Variants in IWS1 observed in about 807,000 individuals in gnomAD.
IWS1 encodes the protein protein IWS1 homolog.
In IWS1, 27 loss-of-function variants were observed where a neutral mutation model predicts 86.7. The ratio of observed to expected loss-of-function variants is 0.31; its 90% CI spans 0.23 to 0.43. The LOEUF (loss-of-function observed/expected upper bound fraction) is 0.43, where lower values mean the gene tolerates loss of function less well. Among genes scored for constraint, IWS1 ranks in the 20% least tolerant of loss-of-function variants. The pLI is 1.00. For synonymous variants in IWS1, 313 were observed against 335.1 expected (o/e 0.93, Z 0.72); for missense variants, 827 against 1,000.8 (o/e 0.83, Z 2.34).
chr2:127,524,271 A>G (rs748090858), intron 1 of IWS1, among the ~76,000 whole-genome samples: 8 of 152,226 alleles, frequency 5.3e-5, no homozygotes, highest in Non-Finnish European at 7.3e-5. Flanking sequence ...ACAAATGAAG[A>G]ACACAAGGAA....
At chr2:127,495,817 T>C (rs551334854) in intron 7 of IWS1, among the ~76,000 whole-genome samples, 181 bp downstream of exon 7, 1 of 152,334 alleles carries the variant, frequency 6.6e-6, no homozygotes, top group South Asian at 2.1e-4. Flanking sequence ...TATTTTCACT[T>C]TTTCTAAACG....
chr2:127,524,350 C>A (rs1692268237), intron 1 of IWS1, among the ~76,000 whole-genome samples: 1 of 152,056 alleles, frequency 6.6e-6, no homozygotes, highest in Non-Finnish European at 1.5e-5. Flanking sequence ...CAAACTGTTA[C>A]CTAACTTTCT....
At chr2:127,497,232 G>A (rs1057287171) in intron 6 of IWS1, among the ~76,000 whole-genome samples, 13 of 152,082 alleles carry the variant, frequency 8.5e-5, no homozygotes, top group Non-Finnish European at 1.2e-4. Flanking sequence ...CTAATAGCCC[G>A]GAACTTTTCA....
In IWS1 at chr2:127,504,688, T is replaced by C. The variant is rs760822614; in HGVS notation, c.1215A>G (p.Lys405=). The C allele has an allele frequency of 1.9e-6, 3 of 1,595,276 alleles. No individual in the cohort carries two copies. The South Asian group carries it at 3.4e-5, about 18-fold the overall frequency. ...CAGCCCAAGGTAACTCCTTACATGC[T>C]TTCTCTTCATCTTCACTATCAGAAA... ...AVLSDSEDEE[K]ASAKKSRVVS... is the part of the protein sequence containing the mutation. Residue 405 remains lysine (K), a synonymous_variant, in exon 3 of 14, where the codon AAA becomes AAG. Transcript: ENST00000295321.
intron 2 of IWS1, among the ~76,000 whole-genome samples, chr2:127,507,595 T>C (rs1325762516): frequency 1.3e-5 from 2 of 152,222 alleles, no homozygotes; most frequent in African/African-American, 2.4e-5. Context: ...TACAATAGTC[T>C]GTATGTTGCC....
chr2:127,502,244 T>TTGTAG, intron 5 of IWS1, among the ~76,000 whole-genome samples: 1 of 152,246 alleles, frequency 6.6e-6, no homozygotes. Flanking sequence ...GGGTATGGGG[T>TTGTAG]TTACAAAGCC....
Position 127,526,215 on chromosome 2 carries a change from C to T in IWS1, c.-7G>A, listed in dbSNP as rs773579149. On this transcript the variant is annotated 5_prime_UTR_variant, in exon 1 of 14. Coordinates refer to ENST00000295321, the MANE Select transcript of IWS1 (RefSeq NM_017969.3). ...TGTAATATTCCGAGTCCATGGCAGG[C>T]GGACTCTCAGCGGGGAGTGTCCGCG... 7 of 1,554,940 alleles carry T rather than the reference C, an allele frequency of 4.5e-6. No homozygotes were observed. The highest frequency in any genetic ancestry group is 1.4e-5 in the African/African-American group (1 of 73,598).
rs1690253894 is a variant in IWS1, at chr2:127,492,024, T to C, written c.1994A>G (p.Tyr665Cys). The C allele has an allele frequency of 6.2e-7, 1 of 1,613,960 alleles. No homozygotes were observed. The highest frequency in any genetic ancestry group is 8.5e-7 in the Non-Finnish European group (1 of 1,179,948). ...AGACCTTGACTCCTTGGGGTGTTTA[T>C]AGAGATACATCACTGCTCGTCCAAT... The part of the protein sequence containing the change: ...SGIGRAVMYL[Y>C]KHPKESRSNK... Residue 665 changes from tyrosine (Y) to cysteine (C), a missense_variant, in exon 10 of 14, where the codon TAT (tyrosine) becomes TGT (cysteine). Transcript: ENST00000295321.
chr2:127,525,109 CG>C (rs1692325473), intron 1 of IWS1, among the ~76,000 whole-genome samples: 1 of 14,086 alleles, frequency 7.1e-5, no homozygotes, highest in Non-Finnish European at 1.4e-4. Context: ...GGGGTAGGGG[CG>C]TAGGGGGGTG....
rs1284454511 is a variant in IWS1, at chr2:127,505,696, A to G, written c.207T>C (p.Ser69=). The change falls in exon 3 of 14, where the codon TCT becomes TCC. Residue 69 remains serine, a synonymous_variant. Transcript: ENST00000295321. This position sits in a 1 kb window ranked among gnomAD's most constrained non-coding sequence, Gnocchi z 5.0. ...TAAGATTTAAGGGCTCATCGTTCTC[A>G]GAGTCTGTCACATGATGTCCTTTGG... The part of the protein sequence containing the change: ...GLPKGHHVTD[S]ENDEPLNLNA... The G allele has an allele frequency of 6.2e-7, 1 of 1,612,878 alleles. No homozygotes were observed. Among genetic ancestry groups the G allele is most frequent in the Non-Finnish European group, 8.5e-7 (1 of 1,179,734 alleles).
chr2:127,503,926 T>C (rs1224908287), intron 3 of IWS1, among the ~76,000 whole-genome samples: 1 of 152,198 alleles, frequency 6.6e-6, no homozygotes, highest in Admixed American at 6.5e-5. Flanking sequence ...CCTTTCTATG[T>C]TGCCTAGTAG....
intron 1 of IWS1, among the ~76,000 whole-genome samples, chr2:127,524,334 T>C (rs965516266): frequency 3.9e-5 from 6 of 152,170 alleles, no homozygotes; most frequent in African/African-American, 1.4e-4. Context: ...TATAAAATGG[T>C]AAATACAAAC....
intron 2 of IWS1, among the ~76,000 whole-genome samples, chr2:127,521,452 A>G (rs1692091068): frequency 6.6e-6 from 1 of 152,202 alleles, no homozygotes; most frequent in Admixed American, 6.5e-5. Context: ...TCAACTTATT[A>G]TGGGGTTACA....
rs185384748 is a variant in IWS1, at chr2:127,484,362, T to G, written c.2328+2191A>C. Reference sequence around the variant, plus strand: ...AAAAAACCCTATTTATTTTTTATATTTATTTACATAACTTTGAAAACAAAA... The same window carrying G: ...AAAAAACCCTATTTATTTTTTATATGTATTTACATAACTTTGAAAACAAAA... On this transcript the variant is annotated intron_variant, in intron 13 of 13. Transcript: ENST00000295321. The G allele has an allele frequency of 3.3e-5, 5 of 152,314 alleles. No individual in the cohort carries two copies. The East Asian group carries it at 9.6e-4, about 29-fold the overall frequency. 9.4% of individuals were successfully genotyped at this position (152,314 alleles called of 1,614,324 possible).
At chr2:127,502,577 A>G (rs1690877215) in intron 5 of IWS1, 2 of 324,596 alleles carry the variant, frequency 6.2e-6, no homozygotes, top group East Asian at 9.4e-5. Context: ...TTATAAAGTG[A>G]CTTTCTTTGT....
intron 6 of IWS1, among the ~76,000 whole-genome samples, chr2:127,497,381 T>C (rs569821158): frequency 3.3e-4 from 51 of 152,364 alleles, no homozygotes; most frequent in Admixed American, 2.0e-4. Context: ...TGTGGTCTTA[T>C]ATAGCATGAG....
At position 127,505,075 on chromosome 2, in the gene IWS1, C is replaced by T. The variant is rs751250712; in HGVS notation, c.828G>A (p.Ser276=). 195 of 1,609,482 alleles carry T rather than the reference C, an allele frequency of 1.2e-4. No individual in the cohort carries two copies. The highest frequency in any genetic ancestry group is 1.7e-4 in the Middle Eastern group (1 of 6,052). The change falls in exon 3 of 14, where the codon TCG becomes TCA. Residue 276 remains serine, a synonymous_variant. Coordinates refer to ENST00000295321, the MANE Select transcript of IWS1 (RefSeq NM_017969.3). The surrounding 1 kb of genome is among the most constrained non-coding windows in gnomAD (Gnocchi z 5.0). The part of the protein sequence containing the change: ...EELPKPRISD[S]ESEDPPRNQA... ...GGTTCCTTGGGGGATCCTCACTTTC[C>T]GAATCACTGATTCGGGGTTTGGGAA...
At chr2:127,521,395 T>C (rs1161264114) in intron 2 of IWS1, among the ~76,000 whole-genome samples, 1 of 148,216 alleles carries the variant, frequency 6.7e-6, no homozygotes, top group Non-Finnish European at 1.5e-5. Context: ...AGTTGGACTA[T>C]GCTGGTTTTA....
Position 127,492,033 on chromosome 2 carries a change from A to C in IWS1, c.1985T>G (p.Met662Arg). The C allele has an allele frequency of 6.2e-7, 1 of 1,614,148 alleles. No individual in the cohort carries two copies. The highest frequency in any genetic ancestry group is 8.5e-7 in the Non-Finnish European group (1 of 1,179,994). Residue 662 changes from methionine to arginine, a missense_variant, in exon 10 of 14, where the codon ATG becomes AGG. This residue lies in a region of IWS1 where 279 missense variants were observed against 440.6 expected (regional missense o/e 0.63). Transcript: ENST00000295321. ...CTCCTTGGGGTGTTTATAGAGATAC[A>C]TCACTGCTCGTCCAATCCCACTATG... Reference protein sequence around the residue: ...LKHSGIGRAVMYLYKHPKESR... With the variant: ...LKHSGIGRAVRYLYKHPKESR...
Sources: gnomAD v4.1 joint callset for allele counts (sites outside exome capture counted in the v4.1 genomes callset) on GRCh38, gnomAD v4.1.1 for gene constraint, gnomAD v4.1.1 regional missense constraint, Gnocchi (gnomAD v3.1) non-coding constraint, MANE v1.5 for transcripts, NCBI Gene and HGNC (gene_info 2026-07-23, HGNC 2026-07-21) for gene names.